Variants in ATP6V0A2 observed in about 807,000 individuals in gnomAD.
ATP6V0A2 encodes the protein ATPase H+ transporting V0 subunit a2, also known as V-type proton ATPase 116 kDa subunit a 2.
Under a neutral mutation model 104.4 loss-of-function variants are expected in ATP6V0A2, and 58 were observed. The ratio of observed to expected loss-of-function variants is 0.56; its 90% CI spans 0.45 to 0.69. The LOEUF is 0.69. ATP6V0A2 is among the 30% of genes least tolerant of loss of function. The probability of loss-of-function intolerance (pLI) is 0.00; values close to 1 mark genes in which losing one functional copy is unlikely to be tolerated. For missense variants in ATP6V0A2, 938 were observed against 1,062.9 expected (o/e 0.88, Z 1.63); for synonymous variants, 376 against 397.9 (o/e 0.95, Z 0.65).
In ATP6V0A2 at chr12:123,722,405, C is replaced by A. The variant is rs1250729859; in HGVS notation, c.251C>A (p.Ala84Asp). ...GATATTCCCCTTCCTGAAGGAGAGG[C>A]CAGCCCTCCTGCGCCACCCCTGAAA... ...RADIPLPEGE[A>D]SPPAPPLKQV... The change falls in exon 3 of 20, where the codon GCC becomes GAC. Residue 84 changes from alanine to aspartate, a missense_variant. Ala to Asp is a moderately radical substitution (Grantham distance 126, BLOSUM62 -2). Transcript: ENST00000330342. The A allele has an allele frequency of 1.2e-6, 2 of 1,612,788 alleles. No homozygotes were observed. Among genetic ancestry groups the A allele is most frequent in the African/African-American group, 1.3e-5 (1 of 74,886 alleles).
intron 8 of ATP6V0A2, 146 bp downstream of exon 8, chr12:123,735,770 C>A: frequency 2.6e-6 from 2 of 766,942 alleles, no homozygotes; most frequent in South Asian, 3.0e-5. Flanking sequence ...TTCCCTCCCT[C>A]CTCCCCATGG....
intron 2 of ATP6V0A2, among the ~76,000 whole-genome samples, chr12:123,720,788 C>G (rs1956391964): frequency 6.6e-6 from 1 of 152,048 alleles, no homozygotes; most frequent in Non-Finnish European, 1.5e-5. Flanking sequence ...CTCAGTTACT[C>G]TGAAGGTAGA....
intron 9 of ATP6V0A2, among the ~76,000 whole-genome samples, chr12:123,738,344 A>G (rs1956575998): frequency 6.6e-6 from 1 of 152,098 alleles, no homozygotes; most frequent in East Asian, 1.9e-4. Context: ...TGGTGAGCCA[A>G]GATGGCGCCA....
rs1053536253 is a variant in ATP6V0A2, at chr12:123,757,050, G to A, written c.2465+64G>A. 1.9e-5 allele frequency: 30 copies of A among 1,550,214 alleles called. No homozygotes were observed. The East Asian group carries it at 2.8e-4, about 14-fold the overall frequency. The stretch of plus-strand genomic sequence containing the variant: ...AACATACCCGCCCCCCCACTGCCCC[G>A]CCCAACCAAATATACACAGCCCCTG... On this transcript the variant is annotated intron_variant, in intron 19 of 19. Transcript: ENST00000330342.
rs1019320640 is a variant in ATP6V0A2 at position 123,714,486 on chromosome 12, G to A, written c.117+1804G>A. Among the ~76,000 whole-genome samples the A allele has an allele frequency of 2.6e-5, 4 of 152,142 alleles. No homozygotes were observed. The East Asian group carries it at 7.7e-4, about 29-fold the overall frequency. ...GGTGACAGCTAGTGGGAAGTACCTG[G>A]AAAAGAAAGGTCATTCAGCTGATGG... On this transcript the variant is annotated intron_variant, in intron 1 of 19. Transcript: ENST00000330342.
chr12:123,754,037 G>T, intron 17 of ATP6V0A2: 1 of 305,588 alleles, frequency 3.3e-6, no homozygotes, highest in Non-Finnish European at 6.1e-6. Flanking sequence ...TCTACTCTTA[G>T]GGTTGGTGAA....
chr12:123,735,649 C>T (rs373807801), intron 8 of ATP6V0A2, 25 bp downstream of exon 8: 146 of 1,570,562 alleles, frequency 9.3e-5, no homozygotes, highest in Non-Finnish European at 1.2e-4. Context: ...AGTGGATTGC[C>T]TCTTTATCTG....
rs551664909 is a variant in ATP6V0A2 at position 123,715,019 on chromosome 12, T to C, written c.117+2337T>C. Among the ~76,000 whole-genome samples, 64 of 152,262 alleles carry C rather than the reference T, an allele frequency of 4.2e-4. No individual in the cohort carries two copies. The Middle Eastern group carries it at 0.01, about 24-fold the overall frequency. On this transcript the variant is annotated intron_variant, in intron 1 of 19. Transcript: ENST00000330342. ...ATCACTTGAACCCAGGAGGCAGAGGTTGCAGTGAGCTGAGATCGCGCCACT... is the reference window on the plus strand; with the variant it reads ...ATCACTTGAACCCAGGAGGCAGAGGCTGCAGTGAGCTGAGATCGCGCCACT...
In ATP6V0A2 at chr12:123,758,078, C is replaced by A; in HGVS notation, c.*46C>A. The stretch of plus-strand genomic sequence containing the variant: ...AGCTTTCAGATTTATGGAGAATGAC[C>A]ATGTTATAGACTTTCACTTATGTCA... On this transcript the variant is annotated 3_prime_UTR_variant, in exon 20 of 20. Transcript: ENST00000330342. The A allele has an allele frequency of 3.0e-6, 4 of 1,332,250 alleles. No individual in the cohort carries two copies. The highest frequency in any genetic ancestry group is 1.4e-5 in the African/African-American group (1 of 69,570). The allele number at this position is 1,332,250 out of a possible 1,614,324, so 82.5% of individuals were successfully genotyped here.
Position 123,744,467 on chromosome 12 carries a change from G to A in ATP6V0A2, c.1326+130G>A, listed in dbSNP as rs1015065541. On this transcript the variant is annotated intron_variant, in intron 11 of 19. Coordinates refer to ENST00000330342, the MANE Select transcript of ATP6V0A2 (RefSeq NM_012463.4). The surrounding 1 kb of genome is among the most constrained non-coding windows in gnomAD (Gnocchi z 5.4). Reference sequence around the variant, plus strand: ...GGCAGGTGTGTGGCCTGTCAGCTGCGGCTGACAGGGATGTCTGCGGGGCGA... The same window carrying A: ...GGCAGGTGTGTGGCCTGTCAGCTGCAGCTGACAGGGATGTCTGCGGGGCGA... 6.1e-5 allele frequency: 93 copies of A among 1,533,472 alleles called. No homozygotes were observed. Among genetic ancestry groups the A allele is most frequent in the Non-Finnish European group, 7.3e-5 (81 of 1,112,452 alleles). The allele number at this position is 1,533,472 out of a possible 1,614,324, so 95.0% of individuals were successfully genotyped here.
At chr12:123,741,332 T>C (rs961011421) in intron 9 of ATP6V0A2, among the ~76,000 whole-genome samples, 4 of 151,956 alleles carry the variant, frequency 2.6e-5, no homozygotes, top group Non-Finnish European at 5.9e-5. Context: ...GTGCCTGTTA[T>C]CCCAGTTACT....
intron 19 of ATP6V0A2, 27 bp from the exon 20 acceptor site, chr12:123,757,900 T>G: frequency 1.4e-6 from 2 of 1,403,780 alleles, no homozygotes; most frequent in Non-Finnish European, 2.0e-6. Flanking sequence ...TAATCTTCCA[T>G]TAATACATGG....
chr12:123,720,545 T>TA (rs772248808), intron 2 of ATP6V0A2, among the ~76,000 whole-genome samples: 9 of 152,200 alleles, frequency 5.9e-5, no homozygotes, highest in East Asian at 1.9e-4. Flanking sequence ...AAAAATAAAA[T>TA]TAGCCAGGCA....
At chr12:123,742,743 C>T (rs1054928434) in intron 9 of ATP6V0A2, among the ~76,000 whole-genome samples, 22 of 151,410 alleles carry the variant, frequency 1.5e-4, no homozygotes, top group African/African-American at 4.4e-4. Context: ...GGCTGAGGCA[C>T]GAGAATCGCT....
chr12:123,727,730 T>G, intron 5 of ATP6V0A2, 53 bp from the exon 6 acceptor site: 1 of 1,609,862 alleles, frequency 6.2e-7, no homozygotes, highest in Non-Finnish European at 8.5e-7. Context: ...TAATGTAGTT[T>G]GATAACATTT....
chr12:123,720,269 G>A (rs748386153), intron 2 of ATP6V0A2, among the ~76,000 whole-genome samples: 1 of 152,160 alleles, frequency 6.6e-6, no homozygotes, highest in Admixed American at 6.6e-5. Context: ...TACGTTAGTG[G>A]CACCATATTC....
chr12:123,734,487 AG>A (rs758833372), intron 7 of ATP6V0A2, among the ~76,000 whole-genome samples: 16 of 152,168 alleles, frequency 1.1e-4, no homozygotes, highest in Non-Finnish European at 2.2e-4. Context: ...CAAGTGACCA[AG>A]CCTCAGTTTC....
chr12:123,758,283 A>C lies in ATP6V0A2; in HGVS notation c.*251A>C. ...ATAAGTTAATGCCAAACGTTATGTT[A>C]AAGTTATTTTTTCAAATACAGGATT... On this transcript the variant is annotated 3_prime_UTR_variant, in exon 20 of 20. Coordinates refer to ENST00000330342, the MANE Select transcript of ATP6V0A2 (RefSeq NM_012463.4). The C allele has an allele frequency of 2.9e-6, 1 of 343,222 alleles. No homozygotes were observed. Among genetic ancestry groups the C allele is most frequent in the Non-Finnish European group, 5.3e-6 (1 of 189,866 alleles). 21.3% of individuals were successfully genotyped at this position (343,222 alleles called of 1,614,324 possible).
intron 9 of ATP6V0A2, among the ~76,000 whole-genome samples, chr12:123,740,616 G>A (rs1167876345): frequency 6.6e-6 from 1 of 152,138 alleles, no homozygotes; most frequent in Non-Finnish European, 1.5e-5. Flanking sequence ...ATAGTTTTTG[G>A]TATTTGCTCT....
Sources: gnomAD v4.1 joint callset for allele counts (sites outside exome capture counted in the v4.1 genomes callset) on GRCh38, gnomAD v4.1.1 for gene constraint, Gnocchi (gnomAD v3.1) non-coding constraint, MANE v1.5 for transcripts, NCBI Gene and HGNC (gene_info 2026-07-23, HGNC 2026-07-21) for gene names.